The following SLC25A14 variants were observed in gnomAD, a reference collection of about 807,000 sequenced individuals.
SLC25A14 encodes solute carrier family 25 member 14, also known as brain mitochondrial carrier protein 1.
A neutral mutation model predicts 28.1 loss-of-function variants in SLC25A14; 8 were observed. The observed-to-expected ratio is 0.28, with a 90% CI of 0.17 to 0.51. SLC25A14 has a LOEUF of 0.51. Ranked by LOEUF, SLC25A14 falls within the 20% of genes least tolerant of loss-of-function variation. The pLI, the probability that SLC25A14 is intolerant of heterozygous loss-of-function variation, is 0.97. For synonymous variants in SLC25A14, 74 were observed against 90.6 expected (o/e 0.82, Z 1.04); for missense variants, 135 against 263.8 (o/e 0.51, Z 3.38).
chrX:130,366,101 C>G (rs1488208161), intron 9 of SLC25A14, among the ~76,000 whole-genome samples: 1 of 112,290 alleles, frequency 8.9e-6, no homozygotes, highest in African/African-American at 3.2e-5. Context: ...TTTGTGGGAA[C>G]TGAATATTCT....
chrX:130,340,093 C>T lies in SLC25A14; in HGVS notation c.-172-14C>T, dbSNP rs2033196950. ...GAGGGGCTTAACGGTCCTCTGGTCT[C>T]TCTCTCCCCTCAGCTGAGTCCCTTC... On this transcript the variant is annotated splice_polypyrimidine_tract_variant and intron_variant, in intron 1 of 10. Coordinates refer to ENST00000545805, the MANE Select transcript of SLC25A14 (RefSeq NM_001282195.2). 2 of 1,067,711 alleles carry T rather than the reference C, an allele frequency of 1.9e-6. No individual in the cohort carries two copies. The highest frequency in any genetic ancestry group is 3.8e-5 in the African/African-American group (2 of 52,427). The allele number at this position is 1,067,711 out of a possible 1,213,427, so 88.0% of individuals were successfully genotyped here. A position where few individuals can be genotyped will look rare whatever the true frequency, so the allele number is the denominator to read the frequency against.
intron 6 of SLC25A14, among the ~76,000 whole-genome samples, chrX:130,356,824 A>C (rs1001220194): frequency 9.0e-6 from 1 of 111,127 alleles, no homozygotes; most frequent in African/African-American, 3.3e-5. Context: ...GTTTCTACAG[A>C]TTTTGCCTCA....
intron 6 of SLC25A14, among the ~76,000 whole-genome samples, chrX:130,351,567 C>T (rs1051156872): frequency 1.4e-4 from 16 of 111,295 alleles, no homozygotes; most frequent in Admixed American, 1.3e-3. Flanking sequence ...TACTTATTAA[C>T]GTATTTAAGC....
chrX:130,358,601 TCTC>T, intron 6 of SLC25A14, 36 bp from the exon 7 acceptor site: 1 of 930,943 alleles, frequency 1.1e-6, no homozygotes, highest in Non-Finnish European at 1.5e-6. Context: ...ATTTTGGTTC[TCTC>T]TGACAAAATA....
At position 130,372,870 on chromosome X, in the gene SLC25A14, C is replaced by T. The variant is rs756504892; in HGVS notation, c.937-39C>T. On this transcript the variant is annotated intron_variant, in intron 10 of 10. Coordinates refer to ENST00000545805, the MANE Select transcript of SLC25A14 (RefSeq NM_001282195.2). ...TAATTTTAGAACTAGCTTTGGCTTTCGATATCAACCTGGTGATCTTCCTTG... is the reference window on the plus strand; with the variant it reads ...TAATTTTAGAACTAGCTTTGGCTTTTGATATCAACCTGGTGATCTTCCTTG... 8.1e-5 allele frequency: 82 copies of T among 1,015,979 alleles called. 1 individual carries two copies. Among genetic ancestry groups the T allele is most frequent in the African/African-American group, 1.3e-4 (7 of 53,203 alleles). 83.7% of individuals were successfully genotyped at this position (1,015,979 alleles called of 1,213,427 possible). A position where few individuals can be genotyped will look rare whatever the true frequency, so the allele number is the denominator to read the frequency against.
intron 1 of SLC25A14, 24 bp from the exon 2 acceptor site, chrX:130,340,083 C>T: frequency 1.6e-5 from 17 of 1,057,487 alleles, no homozygotes; most frequent in Non-Finnish European, 1.9e-5. Flanking sequence ...GCTTAACGGT[C>T]CTCTGGTCTC....
At chrX:130,371,018 G>A (rs1409868440) in intron 9 of SLC25A14, among the ~76,000 whole-genome samples, 1 of 111,997 alleles carries the variant, frequency 8.9e-6, no homozygotes, top group Non-Finnish European at 1.9e-5. Context: ...TGGGATAGCT[G>A]CTTCAGTGAT....
Position 130,339,983 on chromosome X carries a change from G to C in SLC25A14, c.-173+7G>C. On this transcript the variant is annotated splice_region_variant and intron_variant, in intron 1 of 10. Transcript: ENST00000545805. ...GTCCGATGAGCCCGAGCAGGTGAGG[G>C]GGAGCTCCTGGACTTCCAGGCTGGG... 1.1e-5 allele frequency: 10 copies of C among 913,222 alleles called. No homozygotes were observed. The highest frequency in any genetic ancestry group is 1.4e-5 in the Non-Finnish European group (10 of 740,525). The allele number at this position is 913,222 out of a possible 1,213,427, so 75.3% of individuals were successfully genotyped here.
intron 10 of SLC25A14, among the ~76,000 whole-genome samples, chrX:130,372,466 T>TA (rs1243375910): frequency 8.0e-4 from 42 of 52,325 alleles, no homozygotes; most frequent in African/African-American, 1.9e-3. Flanking sequence ...TTTATTTATT[T>TA]TTATTTTTTT....
In SLC25A14 at chrX:130,354,774, G is replaced by A. The variant is rs142919810; in HGVS notation, c.499-3866G>A. Among the ~76,000 whole-genome samples the A allele has an allele frequency of 6.9e-3, 775 of 111,794 alleles. 7 individuals carry two copies. The highest frequency in any genetic ancestry group is 0.018 in the Middle Eastern group (4 of 218). ...TTTTGTGCTTCAGTGACAGAGTTGA[G>A]TAGTCACAACAGAGGTCATAAGCCC... On this transcript the variant is annotated intron_variant, in intron 6 of 10. Transcript: ENST00000545805.
At chrX:130,364,251 A>G (rs181110272) in intron 7 of SLC25A14, among the ~76,000 whole-genome samples, 2 of 111,752 alleles carry the variant, frequency 1.8e-5, no homozygotes, top group Admixed American at 9.5e-5. Context: ...AGAGTTATTT[A>G]TATATTCTTG....
intron 6 of SLC25A14, among the ~76,000 whole-genome samples, chrX:130,357,554 G>A (rs1437010932): frequency 8.9e-6 from 1 of 111,993 alleles, no homozygotes; most frequent in African/African-American, 3.2e-5. Flanking sequence ...TTTGTGATAG[G>A]TTGTATCTTG....
rs756885199 is a variant in SLC25A14 at position 130,354,574 on chromosome X, C to T, written c.498+3843C>T. ...TGCAGTTAATGCTGGTAAGGCAGAA[C>T]TACTTCATGTAGTCATCCAGGATCC... On this transcript the variant is annotated intron_variant, in intron 6 of 10. Coordinates refer to ENST00000545805, the MANE Select transcript of SLC25A14 (RefSeq NM_001282195.2). 4.5e-5 allele frequency among the ~76,000 whole-genome samples: 5 copies of T among 112,139 alleles called. No homozygotes were observed. The East Asian group carries it at 1.4e-3, about 31-fold the overall frequency.
chrX:130,357,463 C>T (rs1335227956), intron 6 of SLC25A14, among the ~76,000 whole-genome samples: 3 of 112,058 alleles, frequency 2.7e-5, no homozygotes, highest in Admixed American at 9.5e-5. Context: ...ACTTGCCTCA[C>T]GCTAGCCCCT....
intron 9 of SLC25A14, among the ~76,000 whole-genome samples, chrX:130,369,919 C>T (rs1035424557): frequency 1.8e-5 from 2 of 111,945 alleles, no homozygotes; most frequent in Non-Finnish European, 3.8e-5. Context: ...AAATGTTATG[C>T]TCTCATTTAT....
chrX:130,354,084 C>T (rs183289851), intron 6 of SLC25A14, among the ~76,000 whole-genome samples: 1 of 107,533 alleles, frequency 9.3e-6, no homozygotes, highest in African/African-American at 3.4e-5. Flanking sequence ...TCCTTGATGG[C>T]CTTTTTCATT....
chrX:130,356,055 G>A (rs2033777931), intron 6 of SLC25A14, among the ~76,000 whole-genome samples: 1 of 110,566 alleles, frequency 9.0e-6, no homozygotes, highest in Non-Finnish European at 1.9e-5. Context: ...GTGACAGCCC[G>A]ATTTCTCCTT....
At chrX:130,369,847 T>C (rs1405379149) in intron 9 of SLC25A14, among the ~76,000 whole-genome samples, 4 of 112,142 alleles carry the variant, frequency 3.6e-5, no homozygotes, top group African/African-American at 1.3e-4. Context: ...CTATAGGTCT[T>C]TGCAGAGACT....
rs768474727 is a variant in SLC25A14, at chrX:130,352,571, C to T, written c.498+1840C>T. ...AAGCATTCCCTTTTCTCTGCAGCCT[C>T]GCCAGCATCTGTTGTTTTTACTTTT... On this transcript the variant is annotated intron_variant, in intron 6 of 10. Transcript: ENST00000545805. 2.7e-5 allele frequency among the ~76,000 whole-genome samples: 3 copies of T among 112,188 alleles called. No homozygotes were observed. The East Asian group carries it at 8.4e-4, about 31-fold the overall frequency.
Sources: allele counts gnomAD v4.1 joint callset (sites outside exome capture counted in the v4.1 genomes callset), GRCh38; gene constraint gnomAD v4.1.1; transcripts MANE v1.5; gene names NCBI Gene and HGNC (gene_info 2026-07-23, HGNC 2026-07-21).